ANO3: variants seen among roughly 807,000 people sequenced by gnomAD.
The protein encoded by ANO3 is anoctamin-3.
Under a neutral mutation model 144.8 loss-of-function variants are expected in ANO3, and 99 were observed. The ratio of observed to expected loss-of-function variants is 0.68; its 90% CI spans 0.58 to 0.81. The LOEUF (loss-of-function observed/expected upper bound fraction) is 0.81. Ranked by LOEUF, ANO3 falls within the 30% of genes least tolerant of loss-of-function variation. The pLI is 0.00. For synonymous variants in ANO3, 414 were observed against 392.6 expected, an observed-to-expected ratio of 1.05 and a Z score of -0.64; for missense variants, 905 against 1,202.2, an observed-to-expected ratio of 0.75 and a Z score of 3.66.
intron 1 of ANO3, among the ~76,000 whole-genome samples, chr11:26,260,538 C>A (rs1029604249): frequency 6.6e-6 from 1 of 152,042 alleles, no homozygotes; most frequent in African/African-American, 2.4e-5. Context: ...CTTAAGGGGG[C>A]CTGAGATTGT....
chr11:26,394,589 T>TTG (rs1856961129), intron 1 of ANO3, among the ~76,000 whole-genome samples: 1 of 111,970 alleles, frequency 8.9e-6, no homozygotes, highest in East Asian at 2.8e-4. Flanking sequence ...TTTTTTTTTT[T>TTG]GTTTGGAGAT....
At chr11:26,619,868 A>T (rs1852366515) in intron 17 of ANO3, among the ~76,000 whole-genome samples, 1 of 152,244 alleles carries the variant, frequency 6.6e-6, no homozygotes, top group African/African-American at 2.4e-5. Context: ...AGTAATTCTT[A>T]TCCAGCCAGC....
At chr11:26,512,872 C>G (rs895106238) in intron 5 of ANO3, among the ~76,000 whole-genome samples, 1 of 152,168 alleles carries the variant, frequency 6.6e-6, no homozygotes, top group Admixed American at 6.5e-5. Flanking sequence ...TTTCTTGTCT[C>G]TATCACACTG....
At chr11:26,242,780 ATATTG>A (rs1444346306) in intron 1 of ANO3, among the ~76,000 whole-genome samples, 2 of 152,152 alleles carry the variant, frequency 1.3e-5, no homozygotes, top group African/African-American at 2.4e-5. Context: ...CCCTAAATCA[ATATTG>A]TAAAGATTAA....
At chr11:26,550,638 A>C (rs1460223897) in intron 12 of ANO3, among the ~76,000 whole-genome samples, 6 of 152,002 alleles carry the variant, frequency 3.9e-5, no homozygotes, top group Admixed American at 1.3e-4. Context: ...TGCATTACAC[A>C]TATATACCAC....
rs1853872792 is a variant in ANO3, at chr11:26,661,388, T to A, written c.*944T>A. On this transcript the variant is annotated 3_prime_UTR_variant, in exon 27 of 27. Transcript: ENST00000256737. Reference sequence around the variant, plus strand: ...TCCTTGTCCCTTTGCACCTTGACAGTACGTAGTATACATTGTGGTTTATGC... The same window carrying A: ...TCCTTGTCCCTTTGCACCTTGACAGAACGTAGTATACATTGTGGTTTATGC... 1 of 152,558 alleles carries A rather than the reference T, an allele frequency of 6.6e-6. No homozygotes were observed. The allele number at this position is 152,558 out of a possible 1,614,324, so 9.5% of individuals were successfully genotyped here.
intron 11 of ANO3, 117 bp downstream of exon 11, chr11:26,542,185 C>G (rs1005257513): frequency 1.8e-6 from 2 of 1,142,764 alleles, no homozygotes; most frequent in African/African-American, 3.2e-5. Flanking sequence ...AAAGCAACCA[C>G]TATAAGATTT....
At chr11:26,608,618 G>A (rs901810175) in intron 17 of ANO3, among the ~76,000 whole-genome samples, 1 of 152,236 alleles carries the variant, frequency 6.6e-6, no homozygotes, top group Non-Finnish European at 1.5e-5. Context: ...GGAGATTAGA[G>A]TTCTGTCCCT....
At chr11:26,535,978 T>C (rs1849498975) in intron 9 of ANO3, among the ~76,000 whole-genome samples, 1 of 151,774 alleles carries the variant, frequency 6.6e-6, no homozygotes, top group Admixed American at 6.6e-5. Context: ...CTCACATACC[T>C]AAACTTCACC....
At chr11:26,308,713 T>C (rs763548708), upstream of ANO3, among the ~76,000 whole-genome samples, 8 of 152,196 alleles carry the variant, frequency 5.3e-5, no homozygotes, top group Non-Finnish European at 1.2e-4. Context: ...AATTCAAAGA[T>C]ATGGTATCCA....
chr11:26,530,875 A>G (rs1247555266), intron 7 of ANO3, among the ~76,000 whole-genome samples: 2 of 151,934 alleles, frequency 1.3e-5, no homozygotes, highest in Non-Finnish European at 2.9e-5. Context: ...CAAAGAAAAA[A>G]AACAAAAACA....
At position 26,457,650 on chromosome 11, in the gene ANO3, A is replaced by G. The variant is rs376170696; in HGVS notation, c.314-5380A>G. On this transcript the variant is annotated intron_variant, in intron 3 of 26. Transcript: ENST00000256737. ...AAAAAACTGTAACGGACTCACTGCC[A>G]CCCAGCTAACAAATGATAAAACAAA... Among the ~76,000 whole-genome samples the G allele has an allele frequency of 6.2e-4, 95 of 152,264 alleles. No individual in the cohort carries two copies. In the East Asian group the frequency reaches 6.4e-3, roughly 10 times the overall value.
At chr11:26,530,967 T>G (rs539143600) in intron 7 of ANO3, among the ~76,000 whole-genome samples, 8 of 152,344 alleles carry the variant, frequency 5.3e-5, no homozygotes, top group African/African-American at 1.9e-4. Flanking sequence ...TATTTTATTT[T>G]TTCATGAGGA....
chr11:26,461,084 G>A (rs1167999587), intron 3 of ANO3, among the ~76,000 whole-genome samples: 1 of 151,044 alleles, frequency 6.6e-6, no homozygotes, highest in African/African-American at 2.5e-5. Flanking sequence ...GAGACAGAGA[G>A]AAAGACAGGG....
At chr11:26,275,815 A>G (rs1003934491) in intron 1 of ANO3, among the ~76,000 whole-genome samples, 2 of 152,090 alleles carry the variant, frequency 1.3e-5, no homozygotes, top group African/African-American at 4.8e-5. Context: ...ATGTTTGAAG[A>G]TTTTCCTTTC....
At chr11:26,356,040 A>C (rs1175842686) in intron 1 of ANO3, among the ~76,000 whole-genome samples, 1 of 152,024 alleles carries the variant, frequency 6.6e-6, no homozygotes, top group African/African-American at 2.4e-5. Context: ...TTCCTTTCTC[A>C]TGCTACTATA....
chr11:26,457,488 C>G (rs1244824999), intron 3 of ANO3, among the ~76,000 whole-genome samples: 1 of 151,778 alleles, frequency 6.6e-6, no homozygotes, highest in Non-Finnish European at 1.5e-5. Flanking sequence ...GTAGTTGTCT[C>G]AGTACTCAAA....
chr11:26,388,703 A>AT (rs1206924182), intron 1 of ANO3, among the ~76,000 whole-genome samples: 13 of 152,254 alleles, frequency 8.5e-5, no homozygotes, highest in Admixed American at 5.2e-4. Flanking sequence ...ATCATGACTG[A>AT]TTTTTTATAT....
chr11:26,389,897 G>A (rs1158521833), intron 1 of ANO3, among the ~76,000 whole-genome samples: 1 of 152,012 alleles, frequency 6.6e-6, no homozygotes, highest in Admixed American at 6.6e-5. Context: ...TAATTAAAAG[G>A]CACTGTACAC....
Sources: allele counts gnomAD v4.1 joint callset (sites outside exome capture counted in the v4.1 genomes callset), GRCh38; gene constraint gnomAD v4.1.1; transcripts MANE v1.5; gene names NCBI Gene and HGNC (gene_info 2026-07-23, HGNC 2026-07-21).